LOC128462377: variants seen among roughly 807,000 people sequenced by gnomAD.
chr16:89,345,258 A>AC, the LOC128462377 span, among the ~76,000 whole-genome samples: 1 of 47,110 alleles, frequency 2.1e-5, no homozygotes, highest in Admixed American at 2.0e-4. Flanking sequence ...CCCCCTCCCC[A>AC]CCCCCCGGCA....
At chr16:89,379,387 G>A in the LOC128462377 span, among the ~76,000 whole-genome samples, 13 of 152,306 alleles carry the variant, frequency 8.5e-5, no homozygotes, top group South Asian at 2.3e-3. Context: ...ATTATATGTC[G>A]AAAGCTGACC....
the LOC128462377 span, among the ~76,000 whole-genome samples, chr16:89,388,128 A>G: frequency 6.6e-6 from 1 of 152,038 alleles, no homozygotes; most frequent in African/African-American, 2.4e-5. Flanking sequence ...CAGCTTCCCT[A>G]ATGCTAACAT....
chr16:89,402,532 T>C, the LOC128462377 span, among the ~76,000 whole-genome samples: 1 of 151,242 alleles, frequency 6.6e-6, no homozygotes, highest in Non-Finnish European at 1.5e-5. Context: ...CATTTAAAAA[T>C]TGCTGCGTAT....
chr16:89,367,216 C>G, the LOC128462377 span, among the ~76,000 whole-genome samples: 81 of 152,354 alleles, frequency 5.3e-4, 1 homozygote, highest in South Asian at 0.015. Context: ...CGAAACACAA[C>G]AGTCCACTCC....
chr16:89,363,220 G>C, the LOC128462377 span, among the ~76,000 whole-genome samples: 1 of 152,150 alleles, frequency 6.6e-6, no homozygotes, highest in Non-Finnish European at 1.5e-5. Flanking sequence ...TCAGAAATAG[G>C]TAAGTTTTCA....
At chr16:89,375,523 G>C in the LOC128462377 span, among the ~76,000 whole-genome samples, 1 of 151,770 alleles carries the variant, frequency 6.6e-6, no homozygotes, top group Non-Finnish European at 1.5e-5. Context: ...GCAGTGGCAC[G>C]ATCTTGGCTC....
the LOC128462377 span, among the ~76,000 whole-genome samples, chr16:89,372,553 A>G: frequency 6.6e-6 from 1 of 152,376 alleles, no homozygotes; most frequent in East Asian, 1.9e-4. Context: ...ATAAAACAAG[A>G]TGATGTTGGA....
chr16:89,374,372 T>C, the LOC128462377 span, among the ~76,000 whole-genome samples: 3 of 151,842 alleles, frequency 2.0e-5, no homozygotes, highest in African/African-American at 4.8e-5. Flanking sequence ...CACACTCACC[T>C]GTTTACATAA....
the LOC128462377 span, among the ~76,000 whole-genome samples, chr16:89,335,972 C>T: frequency 6.6e-6 from 1 of 152,210 alleles, no homozygotes. Flanking sequence ...CTTCAAGATG[C>T]CCTGTGACTC....
At chr16:89,365,870 C>G in the LOC128462377 span, among the ~76,000 whole-genome samples, 3 of 152,016 alleles carry the variant, frequency 2.0e-5, no homozygotes, top group Admixed American at 2.0e-4. Flanking sequence ...CCACCCCCAA[C>G]CCTCAAGCAG....
the LOC128462377 span, among the ~76,000 whole-genome samples, chr16:89,371,557 C>A: frequency 6.6e-6 from 1 of 152,178 alleles, no homozygotes. Flanking sequence ...TCAGATTCCG[C>A]CATGCTGCAG....
At chr16:89,380,002 C>A in the LOC128462377 span, among the ~76,000 whole-genome samples, 1 of 152,220 alleles carries the variant, frequency 6.6e-6, no homozygotes, top group African/African-American at 2.4e-5. Flanking sequence ...CCAAACCCCT[C>A]AAGCTTCAGT....
the LOC128462377 span, among the ~76,000 whole-genome samples, chr16:89,387,253 A>G: frequency 2.6e-4 from 40 of 151,874 alleles, 1 homozygote; most frequent in Admixed American, 2.3e-3. Context: ...GCATCTCTCA[A>G]GGGAGAGGCC....
chr16:89,317,354 C>T, the LOC128462377 span, among the ~76,000 whole-genome samples: 84 of 152,352 alleles, frequency 5.5e-4, no homozygotes, highest in African/African-American at 2.0e-3. Context: ...TAGGGTGTGG[C>T]TGTGTTCTGG....
the LOC128462377 span, among the ~76,000 whole-genome samples, chr16:89,368,040 A>T: frequency 2.0e-5 from 3 of 152,090 alleles, no homozygotes; most frequent in Non-Finnish European, 4.4e-5. Context: ...TGTCCTTGCA[A>T]CCAACTGCTG....
At chr16:89,358,585 T>G in the LOC128462377 span, among the ~76,000 whole-genome samples, 1 of 152,220 alleles carries the variant, frequency 6.6e-6, no homozygotes, top group Non-Finnish European at 1.5e-5. Flanking sequence ...CATTCATCTA[T>G]GTACTCACAA....
chr16:89,402,366 T>C, the LOC128462377 span, among the ~76,000 whole-genome samples: 1 of 152,154 alleles, frequency 6.6e-6, no homozygotes, highest in Non-Finnish European at 1.5e-5. Context: ...TATCTGGGAT[T>C]GAGCGCTTAT....
At chr16:89,325,664 A>C in the LOC128462377 span, among the ~76,000 whole-genome samples, 1 of 152,228 alleles carries the variant, frequency 6.6e-6, no homozygotes, top group East Asian at 1.9e-4. Flanking sequence ...TTCTAAGTGA[A>C]GGCTGCGGAG....
chr16:89,412,913 G>T, the LOC128462377 span, among the ~76,000 whole-genome samples: 21 of 152,284 alleles, frequency 1.4e-4, no homozygotes, highest in African/African-American at 4.8e-4. Context: ...AGAGGTCACA[G>T]GTCAGCAGAG....
Sources: allele counts gnomAD v4.1 joint callset (sites outside exome capture counted in the v4.1 genomes callset), GRCh38; gene constraint gnomAD v4.1.1; transcripts MANE v1.5.